Variants in RGSL1 observed in about 807,000 individuals in gnomAD.
RGSL1 encodes the protein regulator of G protein signaling protein-like.
Under a neutral mutation model 124.7 loss-of-function variants are expected in RGSL1, and 97 were observed. The observed-to-expected ratio is 0.78, with a 90% CI of 0.66 to 0.92. RGSL1 has a LOEUF of 0.92. RGSL1 is among the 40% of genes least tolerant of loss of function. RGSL1 has a pLI of 0.00. For synonymous variants in RGSL1, 424 were observed against 438.1 expected, an observed-to-expected ratio of 0.97 and a Z score of 0.40; for missense variants, 1,233 against 1,288.4, an observed-to-expected ratio of 0.96 and a Z score of 0.66.
chr1:182,489,214 C>G lies in RGSL1; in HGVS notation c.1717+12C>G. On this transcript the variant is annotated intron_variant, in intron 8 of 21. Transcript: ENST00000294854. ...AGTGTTTCTAACAGGTCAGAGCAGT[C>G]ACTGTAATTTTTTTGACCTTTACAT... 6.5e-7 allele frequency: 1 copy of G among 1,545,894 alleles called. No homozygotes were observed. The highest frequency in any genetic ancestry group is 8.7e-7 in the Non-Finnish European group (1 of 1,144,626).
At chr1:182,486,953 G>A (rs185994352) in intron 6 of RGSL1, among the ~76,000 whole-genome samples, 183 of 152,332 alleles carry the variant, frequency 1.2e-3, no homozygotes, top group African/African-American at 4.1e-3. Context: ...AGGATTACAG[G>A]TGTGAGCCAC....
chr1:182,469,136 G>A (rs1653602458), intron 4 of RGSL1, among the ~76,000 whole-genome samples: 1 of 152,012 alleles, frequency 6.6e-6, no homozygotes, highest in Non-Finnish European at 1.5e-5. Flanking sequence ...GGATATGACA[G>A]GAAAGGAAGA....
Position 182,537,685 on chromosome 1 carries a change from C to T in RGSL1, c.2495-2562C>T, listed in dbSNP as rs115687199. On this transcript the variant is annotated intron_variant, in intron 14 of 21. Coordinates refer to ENST00000294854, the MANE Select transcript of RGSL1 (RefSeq NM_001137669.2). Reference sequence around the variant, plus strand: ...TTCTCCACTACTGAGGTAAAACCTTCCTTGGTATTCTACTAGATTCCTCAT... The same window carrying T: ...TTCTCCACTACTGAGGTAAAACCTTTCTTGGTATTCTACTAGATTCCTCAT... Among the ~76,000 whole-genome samples, 873 of 152,196 alleles carry T rather than the reference C, an allele frequency of 5.7e-3. 7 individuals carry two copies. Among genetic ancestry groups the T allele is most frequent in the Non-Finnish European group, 9.3e-3 (631 of 67,998 alleles).
chr1:182,482,354 C>A (rs939040149), intron 6 of RGSL1, among the ~76,000 whole-genome samples: 1 of 151,692 alleles, frequency 6.6e-6, no homozygotes, highest in Admixed American at 6.6e-5. Flanking sequence ...TGCCCCTCCT[C>A]ATCAACAAAA....
At chr1:182,512,418 C>A (rs188899704) in intron 9 of RGSL1, among the ~76,000 whole-genome samples, 210 of 152,274 alleles carry the variant, frequency 1.4e-3, no homozygotes, top group African/African-American at 4.6e-3. Flanking sequence ...TTCCCTGACC[C>A]CCCCTCTGCA....
chr1:182,536,823 C>A (rs562691978), intron 14 of RGSL1, among the ~76,000 whole-genome samples: 1 of 152,076 alleles, frequency 6.6e-6, no homozygotes, highest in Admixed American at 6.6e-5. Context: ...GAGAACAGCA[C>A]GGGAAAGACC....
rs1659064613 is a variant in RGSL1 at position 182,530,225 on chromosome 1, T to C, written c.2126-19T>C. 3 of 1,529,776 alleles carry C rather than the reference T, an allele frequency of 2.0e-6. No homozygotes were observed. The highest frequency in any genetic ancestry group is 2.6e-6 in the Non-Finnish European group (3 of 1,132,324). The allele number at this position is 1,529,776 out of a possible 1,614,324, so 94.8% of individuals were successfully genotyped here. On this transcript the variant is annotated intron_variant, in intron 11 of 21. Coordinates refer to ENST00000294854, the MANE Select transcript of RGSL1 (RefSeq NM_001137669.2). ...GGTAGATGAGGATTACAGCTTCTTT[T>C]CTCTCTTGCATTTTCTAGAAGAAAT... is the stretch of plus-strand genomic sequence containing the variant.
chr1:182,487,482 C>G (rs1571549139), intron 6 of RGSL1, among the ~76,000 whole-genome samples: 1 of 152,184 alleles, frequency 6.6e-6, no homozygotes, highest in Non-Finnish European at 1.5e-5. Flanking sequence ...TTTGCTTAAG[C>G]TCTTTCTACT....
intron 14 of RGSL1, among the ~76,000 whole-genome samples, chr1:182,533,586 C>T (rs981241674): frequency 1.3e-5 from 2 of 152,166 alleles, no homozygotes; most frequent in Admixed American, 6.5e-5. Flanking sequence ...ATGTTGGAGC[C>T]GGAGTGCCTA....
intron 11 of RGSL1, among the ~76,000 whole-genome samples, chr1:182,528,568 G>C (rs559024389): frequency 6.6e-6 from 1 of 152,206 alleles, no homozygotes; most frequent in East Asian, 1.9e-4. Flanking sequence ...GGGAGAAATT[G>C]GCCCGAAGAA....
chr1:182,472,657 T>C (rs1316996123), intron 5 of RGSL1, 100 bp downstream of exon 5: 1 of 1,248,458 alleles, frequency 8.0e-7, no homozygotes, highest in African/African-American at 1.5e-5. Flanking sequence ...CCCCACCTTC[T>C]TTCCATCTTC....
intron 21 of RGSL1, among the ~76,000 whole-genome samples, chr1:182,556,500 A>G (rs1660874739): frequency 3.3e-5 from 5 of 152,330 alleles, no homozygotes; most frequent in Admixed American, 2.6e-4. Flanking sequence ...AGTCCTCACA[A>G]CAACCCTGTG....
At chr1:182,528,126 G>A (rs1419886482) in intron 11 of RGSL1, among the ~76,000 whole-genome samples, 1 of 152,108 alleles carries the variant, frequency 6.6e-6, no homozygotes, top group East Asian at 1.9e-4. Context: ...AGCAGCAAGA[G>A]AGAGAATGAG....
At chr1:182,499,698 GGATT>G (rs1338320643) in intron 9 of RGSL1, among the ~76,000 whole-genome samples, 2 of 152,144 alleles carry the variant, frequency 1.3e-5, no homozygotes, top group African/African-American at 4.8e-5. Flanking sequence ...TGATAGGTGT[GGATT>G]TGATTCTGTC....
At chr1:182,484,117 G>T (rs763224370) in intron 6 of RGSL1, among the ~76,000 whole-genome samples, 2 of 152,188 alleles carry the variant, frequency 1.3e-5, no homozygotes, top group East Asian at 1.9e-4. Context: ...ACAGGGAAAG[G>T]GATGTCTTAG....
At chr1:182,511,167 C>G (rs1657422149) in intron 9 of RGSL1, among the ~76,000 whole-genome samples, 1 of 152,010 alleles carries the variant, frequency 6.6e-6, no homozygotes, top group Non-Finnish European at 1.5e-5. Flanking sequence ...ATCCAGCTTG[C>G]TTTCTTTATT....
Position 182,471,027 on chromosome 1 carries a change from G to A in RGSL1, c.302-1369G>A, listed in dbSNP as rs377201179. 2.6e-5 allele frequency among the ~76,000 whole-genome samples: 4 copies of A among 152,202 alleles called. No homozygotes were observed. The East Asian group carries it at 5.8e-4, about 22-fold the overall frequency. On this transcript the variant is annotated intron_variant, in intron 4 of 21. Coordinates refer to ENST00000294854, the MANE Select transcript of RGSL1 (RefSeq NM_001137669.2). The stretch of plus-strand genomic sequence containing the variant: ...TCCCTGTCAGGTTGAGACTGCAGAA[G>A]GGAAGGGGCTTTGGTTGGAGGGTGT...
intron 9 of RGSL1, among the ~76,000 whole-genome samples, chr1:182,510,350 T>C (rs1479727714): frequency 2.8e-5 from 1 of 35,138 alleles, no homozygotes; most frequent in African/African-American, 1.4e-4. Flanking sequence ...TAGGTTGTAG[T>C]GAGCCGAGAT....
intron 8 of RGSL1, among the ~76,000 whole-genome samples, chr1:182,492,734 T>C (rs1008403324): frequency 7.9e-5 from 12 of 151,606 alleles, no homozygotes; most frequent in African/African-American, 2.7e-4. Context: ...GTTCACACCA[T>C]TCTCCTGCCT....
Sources: allele counts gnomAD v4.1 joint callset (sites outside exome capture counted in the v4.1 genomes callset), GRCh38; gene constraint gnomAD v4.1.1; transcripts MANE v1.5; gene names NCBI Gene and HGNC (gene_info 2026-07-23, HGNC 2026-07-21).